Variants in SLCO4A1 observed in about 807,000 individuals in gnomAD.
SLCO4A1 encodes the protein colon organic anion transporter.
SLCO4A1 carries 51 observed loss-of-function variants against 64.6 expected under a neutral mutation model. That is an observed-to-expected ratio of 0.79 (90% CI 0.63 to 1.00). The LOEUF is 1.00. SLCO4A1 is among the 50% of genes least tolerant of loss of function. SLCO4A1 has a pLI of 0.00. For synonymous variants in SLCO4A1, 471 were observed against 444.9 expected (o/e 1.06, Z -0.74); for missense variants, 919 against 980.5 (o/e 0.94, Z 0.84).
downstream of SLCO4A1, among the ~76,000 whole-genome samples, chr20:62,685,944 A>G (rs149650346): frequency 2.1e-3 from 325 of 152,178 alleles, no homozygotes; most frequent in African/African-American, 7.7e-3. The surrounding 1 kb of genome is among the most constrained non-coding windows in gnomAD (Gnocchi z 4.6). Flanking sequence ...TGGCTGAGCA[A>G]GTCCTCCCTG....
At chr20:62,671,643 T>G in intron 11 of SLCO4A1, 107 bp from the exon 12 acceptor site, 1 of 1,015,100 alleles carries the variant, frequency 9.9e-7, no homozygotes, top group Non-Finnish European at 1.5e-6. Context: ...GTGGACCTGG[T>G]GAGGGTGCTG....
chr20:62,673,255 G>A (rs1987410283), downstream of SLCO4A1, among the ~76,000 whole-genome samples: 1 of 129,724 alleles, frequency 7.7e-6, no homozygotes, highest in African/African-American at 3.0e-5. Flanking sequence ...AGGGAGTGCA[G>A]GAACAGACCC....
Position 62,657,057 on chromosome 20 carries a change from G to A in SLCO4A1, c.603G>A (p.Leu201=), listed in dbSNP as rs752124569. ...CGGCTGGCCGCTATGAGGTGGAGTT[G>A]GACGCGGGTGTCAGGACGTGCCCTG... ...HFTAGRYEVE[L]DAGVRTCPAN... is the part of the protein sequence containing the mutation. Residue 201 remains leucine, a synonymous_variant, in exon 2 of 12, where the codon TTG becomes TTA. Transcript: ENST00000217159. 3 of 1,597,868 alleles carry A rather than the reference G, an allele frequency of 1.9e-6. No homozygotes were observed. Among genetic ancestry groups the A allele is most frequent in the African/African-American group, 1.3e-5 (1 of 74,742 alleles).
intron 6 of SLCO4A1, 124 bp from the exon 7 acceptor site, chr20:62,666,256 A>G (rs934613946): frequency 2.7e-6 from 2 of 748,576 alleles, no homozygotes; most frequent in Non-Finnish European, 2.2e-6. Flanking sequence ...GCTGCCATGC[A>G]GGCAGGAATT....
At chr20:62,668,376 T>C in intron 9 of SLCO4A1, 101 bp from the exon 10 acceptor site, 2 of 1,330,442 alleles carry the variant, frequency 1.5e-6, no homozygotes, top group Non-Finnish European at 2.2e-6. Context: ...GGGGGGGTGA[T>C]GATGTGGCTG....
At chr20:62,676,447 A>G (rs953426823), downstream of SLCO4A1, among the ~76,000 whole-genome samples, 8 of 152,064 alleles carry the variant, frequency 5.3e-5, no homozygotes, top group Non-Finnish European at 1.0e-4. Context: ...AATTCCTACA[A>G]CCCAACAATG....
At chr20:62,675,161 C>G (rs73918616), downstream of SLCO4A1, among the ~76,000 whole-genome samples, 4 of 152,182 alleles carry the variant, frequency 2.6e-5, no homozygotes, top group African/African-American at 7.2e-5. Context: ...AGTGGAGGCT[C>G]CCGCCCAGGA....
intron 6 of SLCO4A1, 91 bp from the exon 7 acceptor site, chr20:62,666,289 C>T (rs1182784505): frequency 1.4e-5 from 16 of 1,147,668 alleles, no homozygotes; most frequent in East Asian, 4.7e-5. Context: ...CCTCAGTTTC[C>T]CCACCTGTAA....
downstream of SLCO4A1, among the ~76,000 whole-genome samples, chr20:62,676,971 T>C (rs1987625459): frequency 6.6e-6 from 1 of 152,234 alleles, no homozygotes; most frequent in Non-Finnish European, 1.5e-5. Context: ...TCAGAAAGAA[T>C]GAAGCCCTGC....
chr20:62,680,766 T>A (rs1404509782), intron 2 of SLCO4A1, among the ~76,000 whole-genome samples: 3 of 152,202 alleles, frequency 2.0e-5, no homozygotes, highest in Admixed American at 6.5e-5. Context: ...TGGATTCAAT[T>A]TGCTGGTGTT....
intron 1 of SLCO4A1, chr20:62,652,274 CAG>C (rs1313678761): frequency 1.3e-5 from 2 of 152,112 alleles, no homozygotes; most frequent in African/African-American, 4.8e-5. Context: ...AGGCAGTCCT[CAG>C]GGTAGTTCTT....
At chr20:62,684,198 G>A (rs1987969508) in intron 2 of SLCO4A1, among the ~76,000 whole-genome samples, 1 of 152,196 alleles carries the variant, frequency 6.6e-6, no homozygotes, top group South Asian at 2.1e-4. Flanking sequence ...GGGGCATGTG[G>A]CAGCCCCAGG....
At chr20:62,684,784 C>T (rs1178661539) in intron 2 of SLCO4A1, among the ~76,000 whole-genome samples, 3 of 152,158 alleles carry the variant, frequency 2.0e-5, no homozygotes, top group Non-Finnish European at 4.4e-5. Context: ...TCAGGGCAGC[C>T]CCCACCCCAG....
intron 11 of SLCO4A1, among the ~76,000 whole-genome samples, 190 bp downstream of exon 11, chr20:62,669,268 C>T (rs1986908126): frequency 6.6e-6 from 1 of 152,204 alleles, no homozygotes; most frequent in Non-Finnish European, 1.5e-5. Flanking sequence ...GGCTGCAGGG[C>T]CTCCTCCTGG....
At chr20:62,659,289 G>A (rs1023238774) in intron 3 of SLCO4A1, among the ~76,000 whole-genome samples, 2 of 152,194 alleles carry the variant, frequency 1.3e-5, no homozygotes, top group Non-Finnish European at 2.9e-5. Flanking sequence ...TGGGGAGGCA[G>A]AGGAGACATG....
In SLCO4A1 at chr20:62,664,994, C is replaced by G; in HGVS notation, c.1182C>G (p.Thr394=). Residue 394 remains threonine, a synonymous_variant, in exon 6 of 12, where the codon ACC becomes ACG. Coordinates refer to ENST00000217159, the MANE Select transcript of SLCO4A1 (RefSeq NM_016354.4). Reference sequence around the variant, plus strand: ...TCCTGCTCTGCCTGGCCGGGGCCACCGAGGCCACTCTCATCACCGGCATGT... The same window carrying G: ...TCCTGCTCTGCCTGGCCGGGGCCACGGAGGCCACTCTCATCACCGGCATGT... ...TFILLCLAGA[T]EATLITGMST... is the part of the protein sequence containing the mutation. The G allele has an allele frequency of 1.2e-5, 19 of 1,613,846 alleles. No individual in the cohort carries two copies. Among genetic ancestry groups the G allele is most frequent in the Non-Finnish European group, 1.6e-5 (19 of 1,179,908 alleles).
Position 62,656,607 on chromosome 20 carries a change from C to T in SLCO4A1, c.153C>T (p.Pro51=). Residue 51 remains proline, a synonymous_variant, in exon 2 of 12, where the codon CCC becomes CCT. Coordinates refer to ENST00000217159, the MANE Select transcript of SLCO4A1 (RefSeq NM_016354.4). ...CCCTCCGCTCCGCTGCCCATAGCCCCCTGGACACCAGCAAGCAGCCCCTCT... is the reference window on the plus strand; with the variant it reads ...CCCTCCGCTCCGCTGCCCATAGCCCTCTGGACACCAGCAAGCAGCCCCTCT... ...PGSLRSAAHS[P]LDTSKQPLCQ... 1.9e-6 allele frequency: 3 copies of T among 1,599,646 alleles called. No homozygotes were observed. The highest frequency in any genetic ancestry group is 2.6e-6 in the Non-Finnish European group (3 of 1,175,056).
Position 62,671,976 on chromosome 20 carries a change from C to T in SLCO4A1, c.*83C>T, listed in dbSNP as rs749246842. 1.8e-5 allele frequency: 28 copies of T among 1,598,498 alleles called. No individual in the cohort carries two copies. The highest frequency in any genetic ancestry group is 6.7e-5 in the East Asian group (3 of 44,868). ...AGTGCCGTTGGGTGATGCAATCACA[C>T]GGGAACTTCTATTTGACCTGCAACC... On this transcript the variant is annotated 3_prime_UTR_variant, in exon 12 of 12. Coordinates refer to ENST00000217159, the MANE Select transcript of SLCO4A1 (RefSeq NM_016354.4).
At chr20:62,675,662 T>C (rs1987556013), downstream of SLCO4A1, among the ~76,000 whole-genome samples, 1 of 152,214 alleles carries the variant, frequency 6.6e-6, no homozygotes, top group African/African-American at 2.4e-5. Flanking sequence ...CTCCTGGCCC[T>C]GCCACAGAGG....
Sources: allele counts gnomAD v4.1 joint callset (sites outside exome capture counted in the v4.1 genomes callset), GRCh38; gene constraint gnomAD v4.1.1; non-coding constraint Gnocchi (gnomAD v3.1); transcripts MANE v1.5; gene names NCBI Gene and HGNC (gene_info 2026-07-23, HGNC 2026-07-21).